The following CCDC91 variants were observed in gnomAD, a reference collection of about 807,000 sequenced individuals.
CCDC91 encodes the protein coiled-coil domain containing 91.
CCDC91 carries 48 observed loss-of-function variants against 63.2 expected under a neutral mutation model. That is an observed-to-expected ratio of 0.76 (90% CI 0.60 to 0.97). The LOEUF (loss-of-function observed/expected upper bound fraction) is 0.97, where lower values mean the gene tolerates loss of function less well. Ranked by LOEUF, CCDC91 falls within the 50% of genes least tolerant of loss-of-function variation. The pLI is 0.00. For missense variants in CCDC91, 500 were observed against 494.6 expected, an observed-to-expected ratio of 1.01 and a Z score of -0.10; for synonymous variants, 167 against 165.8, an observed-to-expected ratio of 1.01 and a Z score of -0.06.
chr12:28,399,133 C>T (rs1011055743), intron 8 of CCDC91, among the ~76,000 whole-genome samples: 3 of 152,070 alleles, frequency 2.0e-5, no homozygotes, highest in African/African-American at 7.2e-5. Context: ...TTTCACCCTG[C>T]TAATAAAGAC....
chr12:28,299,136 T>C (rs1187129092), intron 3 of CCDC91, among the ~76,000 whole-genome samples: 1 of 151,590 alleles, frequency 6.6e-6, no homozygotes, highest in Non-Finnish European at 1.5e-5. Flanking sequence ...TGGTGAGTAA[T>C]TCTTGAGATG....
chr12:28,311,249 G>A (rs78608142), intron 6 of CCDC91, among the ~76,000 whole-genome samples: 1,785 of 152,086 alleles, frequency 0.012, 44 homozygotes, highest in African/African-American at 0.039. Flanking sequence ...AGCAGGAGAG[G>A]CACCTTATTA....
At chr12:28,267,086 G>A (rs1206499927) in intron 3 of CCDC91, among the ~76,000 whole-genome samples, 1 of 151,334 alleles carries the variant, frequency 6.6e-6, no homozygotes, top group Non-Finnish European at 1.5e-5. Context: ...ATAGTATAAG[G>A]GTATGAAAGA....
chr12:28,431,182 A>G lies in CCDC91; in HGVS notation c.763-18979A>G, dbSNP rs77696279. ...GGGTGAGTTTCCATAAATGTTTCAC[A>G]TATGTTTGAAAAGAATGTATATTCT... On this transcript the variant is annotated intron_variant, in intron 8 of 12. Coordinates refer to ENST00000536442, the MANE Select transcript of CCDC91 (RefSeq NM_018318.5). Among the ~76,000 whole-genome samples, 1,400 of 152,260 alleles carry G rather than the reference A, an allele frequency of 9.2e-3. 26 individuals carry two copies. Among genetic ancestry groups the G allele is most frequent in the African/African-American group, 0.032 (1,330 of 41,556 alleles).
chr12:28,378,547 TAA>T (rs1945088595), intron 7 of CCDC91, among the ~76,000 whole-genome samples: 1 of 152,256 alleles, frequency 6.6e-6, no homozygotes, highest in South Asian at 2.1e-4. Flanking sequence ...TGGATATTGC[TAA>T]GTTTTTGCTC....
chr12:28,345,567 T>A (rs1352813726), intron 6 of CCDC91, among the ~76,000 whole-genome samples: 1 of 152,050 alleles, frequency 6.6e-6, no homozygotes, highest in Non-Finnish European at 1.5e-5. Flanking sequence ...ATGTCTCAAT[T>A]AAAACAAAAA....
intron 12 of CCDC91, among the ~76,000 whole-genome samples, chr12:28,493,632 T>C (rs1487671744): frequency 6.6e-6 from 1 of 151,752 alleles, no homozygotes. Context: ...TACCTGGCTG[T>C]CTAACATCAA....
intron 8 of CCDC91, among the ~76,000 whole-genome samples, chr12:28,406,970 G>A (rs1351964892): frequency 6.6e-6 from 1 of 152,102 alleles, no homozygotes. Flanking sequence ...TTGGGGCCTG[G>A]TGGGAAGTCA....
At chr12:28,483,557 C>T (rs748718246) in intron 11 of CCDC91, among the ~76,000 whole-genome samples, 1 of 152,092 alleles carries the variant, frequency 6.6e-6, no homozygotes, top group Non-Finnish European at 1.5e-5. Context: ...TTACCTCTTA[C>T]TTATGGTGTC....
intron 3 of CCDC91, among the ~76,000 whole-genome samples, chr12:28,298,834 A>G (rs1937726296): frequency 6.6e-6 from 1 of 151,258 alleles, no homozygotes; most frequent in Non-Finnish European, 1.5e-5. Flanking sequence ...AAATGGGTTC[A>G]TACTGTTTGA....
At chr12:28,476,421 C>G (rs970344836) in intron 11 of CCDC91, among the ~76,000 whole-genome samples, 1 of 151,924 alleles carries the variant, frequency 6.6e-6, no homozygotes, top group Non-Finnish European at 1.5e-5. Context: ...TTGAAACCAG[C>G]GAGAACAAAG....
intron 6 of CCDC91, among the ~76,000 whole-genome samples, chr12:28,326,354 G>GATTTTT (rs1320911506): frequency 9.3e-5 from 14 of 150,118 alleles, no homozygotes; most frequent in African/African-American, 2.9e-4. Flanking sequence ...ATGTTTGAAT[G>GATTTTT]ATTTTTATTT....
intron 8 of CCDC91, among the ~76,000 whole-genome samples, chr12:28,398,281 G>A (rs975985910): frequency 6.6e-6 from 1 of 151,784 alleles, no homozygotes; most frequent in Non-Finnish European, 1.5e-5. Flanking sequence ...GAATTATATG[G>A]TATCTATTCT....
At chr12:28,280,189 C>T (rs1430680581) in intron 3 of CCDC91, among the ~76,000 whole-genome samples, 1 of 152,028 alleles carries the variant, frequency 6.6e-6, no homozygotes, top group Non-Finnish European at 1.5e-5. Flanking sequence ...AGCAGTCATG[C>T]TTGTATTTTG....
intron 3 of CCDC91, among the ~76,000 whole-genome samples, chr12:28,280,130 G>A (rs1026282194): frequency 6.6e-6 from 1 of 151,996 alleles, no homozygotes; most frequent in African/African-American, 2.4e-5. Flanking sequence ...GTACAGACTA[G>A]AACAGAAAGT....
intron 1 of CCDC91, among the ~76,000 whole-genome samples, chr12:28,219,137 A>G (rs1398039563): frequency 6.6e-6 from 1 of 152,158 alleles, no homozygotes; most frequent in Admixed American, 6.5e-5. Context: ...TTAAGTAGCC[A>G]TTTTAGTAGA....
intron 11 of CCDC91, among the ~76,000 whole-genome samples, chr12:28,479,483 A>T (rs1951319999): frequency 6.6e-6 from 1 of 152,040 alleles, no homozygotes; most frequent in South Asian, 2.1e-4. Context: ...GGGAAGGGGG[A>T]AGGATAGCAT....
chr12:28,295,170 A>G (rs1949488190), intron 3 of CCDC91, among the ~76,000 whole-genome samples: 1 of 152,158 alleles, frequency 6.6e-6, no homozygotes, highest in South Asian at 2.1e-4. Flanking sequence ...ATTTATTTCA[A>G]TATTTGTTCA....
At chr12:28,268,701 ATCATCCTGTTTAC>A in intron 3 of CCDC91, 1 of 982,246 alleles carries the variant, frequency 1.0e-6, no homozygotes, top group Non-Finnish European at 1.2e-6. Flanking sequence ...GGTAGAAGTC[ATCATCCTGTTTAC>A]TCAGTAGGGA....
Sources: gnomAD v4.1 joint callset for allele counts (sites outside exome capture counted in the v4.1 genomes callset) on GRCh38, gnomAD v4.1.1 for gene constraint, MANE v1.5 for transcripts, NCBI Gene and HGNC (gene_info 2026-07-23, HGNC 2026-07-21) for gene names.